ARHGAP42: variants seen among roughly 807,000 people sequenced by gnomAD.
ARHGAP42 encodes rho GTPase-activating protein 42.
ARHGAP42 carries 63 observed loss-of-function variants against 125.0 expected under a neutral mutation model. The observed-to-expected ratio is 0.50, with a 90% CI of 0.41 to 0.62. The LOEUF is 0.62. Among genes scored for constraint, ARHGAP42 ranks in the 20% least tolerant of loss-of-function variants. The pLI is 0.00. For missense variants in ARHGAP42, 766 were observed against 1,024.2 expected, an observed-to-expected ratio of 0.75 and a Z score of 3.44; for synonymous variants, 339 against 351.0, an observed-to-expected ratio of 0.97 and a Z score of 0.38.
At chr11:100,705,015 A>ACAAC (rs57168463) in intron 1 of ARHGAP42, among the ~76,000 whole-genome samples, 31,872 of 119,938 alleles carry the variant, frequency 0.27, 3,959 homozygotes, top group African/African-American at 0.3. Context: ...AACAACAACA[A>ACAAC]AAAAAAAAAA....
intron 9 of ARHGAP42, among the ~76,000 whole-genome samples, chr11:100,942,124 A>T (rs955039875): frequency 6.6e-6 from 1 of 152,194 alleles, no homozygotes; most frequent in Non-Finnish European, 1.5e-5. Flanking sequence ...GGGATCCTTC[A>T]GTAGATTACA....
chr11:100,952,858 G>A (rs1236824027), intron 12 of ARHGAP42, among the ~76,000 whole-genome samples: 1 of 151,916 alleles, frequency 6.6e-6, no homozygotes, highest in Non-Finnish European at 1.5e-5. Flanking sequence ...CTCCCAAGTA[G>A]CTGGGATTAC....
intron 1 of ARHGAP42, among the ~76,000 whole-genome samples, chr11:100,740,530 G>A (rs1591141038): frequency 6.6e-6 from 1 of 152,216 alleles, no homozygotes; most frequent in Admixed American, 6.5e-5. Flanking sequence ...TTTGCCATTT[G>A]AAGGCAGTAT....
At chr11:100,833,962 G>C (rs1864721666) in intron 3 of ARHGAP42, among the ~76,000 whole-genome samples, 1 of 152,126 alleles carries the variant, frequency 6.6e-6, no homozygotes, top group Non-Finnish European at 1.5e-5. Context: ...TCTTGCATAT[G>C]ACTGTTTCAA....
At chr11:100,719,430 A>G (rs902973673) in intron 1 of ARHGAP42, among the ~76,000 whole-genome samples, 1 of 152,140 alleles carries the variant, frequency 6.6e-6, no homozygotes, top group Non-Finnish European at 1.5e-5. Flanking sequence ...TAGGCAAACA[A>G]ACAGATGGAT....
At chr11:100,821,933 G>A (rs1251564103) in intron 3 of ARHGAP42, among the ~76,000 whole-genome samples, 1 of 152,136 alleles carries the variant, frequency 6.6e-6, no homozygotes, top group Non-Finnish European at 1.5e-5. Flanking sequence ...TCCAGAGCAA[G>A]AATTGTACGT....
At chr11:100,905,875 G>T (rs1421705543) in intron 4 of ARHGAP42, among the ~76,000 whole-genome samples, 3 of 152,206 alleles carry the variant, frequency 2.0e-5, no homozygotes, top group Non-Finnish European at 4.4e-5. Context: ...CTACTCGGGA[G>T]GCCGAGGCAC....
chr11:100,889,807 T>C (rs1186256952), intron 4 of ARHGAP42, among the ~76,000 whole-genome samples: 1 of 152,216 alleles, frequency 6.6e-6, no homozygotes, highest in African/African-American at 2.4e-5. Flanking sequence ...CCTTGTTCAC[T>C]CATGGGCTCG....
intron 17 of ARHGAP42, among the ~76,000 whole-genome samples, chr11:100,969,869 C>G (rs1858193751): frequency 6.6e-6 from 1 of 152,106 alleles, no homozygotes; most frequent in Non-Finnish European, 1.5e-5. Context: ...TTTGCTGTTT[C>G]TTTGCATTGT....
chr11:100,767,179 C>T (rs1226936588), intron 1 of ARHGAP42, among the ~76,000 whole-genome samples: 2 of 152,162 alleles, frequency 1.3e-5, no homozygotes, highest in African/African-American at 2.4e-5. Flanking sequence ...TGAACATGGA[C>T]ATCGTCAACA....
intron 3 of ARHGAP42, among the ~76,000 whole-genome samples, chr11:100,795,872 TG>T (rs1312734633): frequency 1.3e-5 from 2 of 152,212 alleles, no homozygotes; most frequent in African/African-American, 4.8e-5. Flanking sequence ...ATTTTGATGG[TG>T]ATAACGATGC....
chr11:100,748,463 T>C (rs73005719), intron 1 of ARHGAP42, among the ~76,000 whole-genome samples: 4,503 of 152,336 alleles, frequency 0.03, 92 homozygotes, highest in Non-Finnish European at 0.043. Context: ...GGAAACCTGC[T>C]GGGTAAGGGA....
At chr11:100,879,742 C>T (rs574423230) in intron 4 of ARHGAP42, among the ~76,000 whole-genome samples, 3 of 152,330 alleles carry the variant, frequency 2.0e-5, no homozygotes, top group Admixed American at 6.5e-5. Context: ...TGCCTCCTCT[C>T]TTCAGCTTCT....
intron 23 of ARHGAP42, among the ~76,000 whole-genome samples, chr11:100,988,310 G>GTA (rs138126536): frequency 0.091 from 13,905 of 152,100 alleles, 913 homozygotes; most frequent in Non-Finnish European, 0.13. Flanking sequence ...TTTGAGTTGA[G>GTA]TGTATAGTTG....
chr11:100,736,167 T>G (rs1018199720), intron 1 of ARHGAP42, among the ~76,000 whole-genome samples: 1 of 152,192 alleles, frequency 6.6e-6, no homozygotes, highest in South Asian at 2.1e-4. Context: ...GTGGTTTTAG[T>G]TAGTTTGTTT....
intron 3 of ARHGAP42, among the ~76,000 whole-genome samples, chr11:100,812,339 A>G (rs548832649): frequency 1.1e-3 from 163 of 152,328 alleles, no homozygotes; most frequent in Middle Eastern, 0.01. Context: ...GCAATAATTT[A>G]TTTTCAACAA....
At chr11:100,688,185 A>AG (rs1392968549) in intron 1 of ARHGAP42, among the ~76,000 whole-genome samples, 1 of 152,110 alleles carries the variant, frequency 6.6e-6, no homozygotes, top group Non-Finnish European at 1.5e-5. Flanking sequence ...AAAGCCCTTA[A>AG]GGGGGGAATC....
chr11:100,781,663 AC>A (rs1358382458), intron 2 of ARHGAP42, among the ~76,000 whole-genome samples: 1 of 152,212 alleles, frequency 6.6e-6, no homozygotes, highest in African/African-American at 2.4e-5. Context: ...AAATGATAAA[AC>A]AGTTAAGTTC....
In ARHGAP42 at chr11:100,733,941, T is replaced by TG. The variant is rs1440148164; in HGVS notation, c.155-36402_155-36401insG. On this transcript the variant is annotated intron_variant, in intron 1 of 23. Transcript: ENST00000298815. ...TCCAAAGCAAAGTTGTTTTTTTTTT[T>TG]TTTTTTTTTTTTAAATGGAGTCTAG... Among the ~76,000 whole-genome samples the TG allele has an allele frequency of 5.0e-4, 73 of 146,560 alleles. 1 individual carries two copies. The highest frequency in any genetic ancestry group is 1.1e-3 in the South Asian group (5 of 4,610).
Sources: gnomAD v4.1 joint callset for allele counts (sites outside exome capture counted in the v4.1 genomes callset) on GRCh38, gnomAD v4.1.1 for gene constraint, MANE v1.5 for transcripts, NCBI Gene and HGNC (gene_info 2026-07-23, HGNC 2026-07-21) for gene names.